The following NELFA variants were observed in gnomAD, a reference collection of about 807,000 sequenced individuals.
NELFA encodes the protein negative elongation factor A.
NELFA carries 35 observed loss-of-function variants against 51.8 expected under a neutral mutation model. The observed-to-expected ratio is 0.68, with a 90% CI of 0.52 to 0.90. The LOEUF is 0.90. NELFA is among the 40% of genes least tolerant of loss of function. NELFA has a pLI of 0.00. For synonymous variants in NELFA, 417 were observed against 338.4 expected (o/e 1.23, Z -2.55); for missense variants, 658 against 746.4 (o/e 0.88, Z 1.38).
chr4:1,983,516 G>T lies in NELFA; in HGVS notation c.1403-13C>A, dbSNP rs1402427171. ...TGGCACGGGTTCTCTGCAGAGAGCA[G>T]GAGCTGCTGGGTGGGTGTCTGGGGG... On this transcript the variant is annotated splice_polypyrimidine_tract_variant and intron_variant, in intron 10 of 10. Transcript: ENST00000382882. The T allele has an allele frequency of 6.2e-7, 1 of 1,613,340 alleles. No homozygotes were observed. The highest frequency in any genetic ancestry group is 8.5e-7 in the Non-Finnish European group (1 of 1,179,540).
rs1727948014 is a variant in NELFA, at chr4:1,983,226, G to A, written c.*93C>T. 2.2e-6 allele frequency: 3 copies of A among 1,358,210 alleles called. No homozygotes were observed. The highest frequency in any genetic ancestry group is 1.4e-5 in the South Asian group (1 of 69,816). 84.1% of individuals were successfully genotyped at this position (1,358,210 alleles called of 1,614,324 possible). The stretch of plus-strand genomic sequence containing the variant: ...CAGGGCGGCGGCCGGGGGACCTCGG[G>A]GGCCAGGTGTCCGCCATCCGGTTAC... On this transcript the variant is annotated 3_prime_UTR_variant, in exon 11 of 11. Transcript: ENST00000382882.
At chr4:1,997,340 A>G (rs906556260) in intron 1 of NELFA, among the ~76,000 whole-genome samples, 1 of 152,234 alleles carries the variant, frequency 6.6e-6, no homozygotes, top group Non-Finnish European at 1.5e-5. Flanking sequence ...CAACAAAGAC[A>G]GTCTGGGTAA....
At chr4:1,994,500 G>T (rs1359882684) in intron 1 of NELFA, among the ~76,000 whole-genome samples, 6 of 151,700 alleles carry the variant, frequency 4.0e-5, no homozygotes, top group Non-Finnish European at 7.4e-5. Context: ...GGGAGGCAGA[G>T]ATTCTGGTGA....
intron 1 of NELFA, chr4:1,992,349 G>C: frequency 3.5e-6 from 1 of 283,114 alleles, no homozygotes. Flanking sequence ...GCCTTGGGGA[G>C]GCCATGGGCG....
Position 1,994,594 on chromosome 4 carries a change from A to T in NELFA, c.211-2879T>A, listed in dbSNP as rs1171492397. On this transcript the variant is annotated intron_variant, in intron 1 of 10. Coordinates refer to ENST00000382882, the MANE Select transcript of NELFA (RefSeq NM_005663.5). Reference sequence around the variant, plus strand: ...AAAAAAGCCGGGCATGGTGGCTCACACCTGTAATCCTAGCATTTTGGGAGG... The same window carrying T: ...AAAAAAGCCGGGCATGGTGGCTCACTCCTGTAATCCTAGCATTTTGGGAGG... Among the ~76,000 whole-genome samples, 5 of 151,386 alleles carry T rather than the reference A, an allele frequency of 3.3e-5. No homozygotes were observed. The East Asian group carries it at 9.7e-4, about 29-fold the overall frequency.
Position 1,982,849 on chromosome 4 carries a change from AG to A in NELFA, c.*469del. The A allele has an allele frequency of 6.5e-6, 1 of 154,674 alleles. No individual in the cohort carries two copies. The highest frequency in any genetic ancestry group is 1.4e-5 in the Non-Finnish European group (1 of 69,478). The allele number at this position is 154,674 out of a possible 1,614,324, so 9.6% of individuals were successfully genotyped here. On this transcript the variant is annotated 3_prime_UTR_variant, in exon 11 of 11. Transcript: ENST00000382882. ...ACAAAACTCCCAGGCAGGCACAGGC[AG>A]GGGACAAGGCCCACCGTCTCCCACG...
chr4:1,988,399 C>A (rs891916674), intron 3 of NELFA, among the ~76,000 whole-genome samples: 2 of 152,246 alleles, frequency 1.3e-5, no homozygotes, highest in African/African-American at 4.8e-5. Context: ...AAGAAACAAA[C>A]GAAGAGATAT....
intron 1 of NELFA, among the ~76,000 whole-genome samples, chr4:1,996,891 C>T (rs545403455): frequency 6.6e-6 from 1 of 152,226 alleles, no homozygotes; most frequent in African/African-American, 2.4e-5. Flanking sequence ...AAGATTGCAC[C>T]ATTGCACTCC....
chr4:1,984,781 G>A (rs1728029331), intron 8 of NELFA, 27 bp downstream of exon 8: 34 of 1,523,436 alleles, frequency 2.2e-5, no homozygotes, highest in Non-Finnish European at 2.8e-5. Flanking sequence ...AGCTTGGCTG[G>A]TTCCAGGCTG....
chr4:1,983,982 C>T lies in NELFA; in HGVS notation c.1168G>A (p.Ala390Thr), dbSNP rs1727995986. The T allele has an allele frequency of 2.5e-6, 4 of 1,609,892 alleles. No individual in the cohort carries two copies. In the East Asian group the frequency reaches 6.7e-5, roughly 27 times the overall value. The change falls in exon 9 of 11, where the codon GCG (alanine) becomes ACG (threonine). Residue 390 changes from alanine to threonine, a missense_variant. By Grantham distance (58) the Ala-to-Thr change is moderately conservative. Coordinates refer to ENST00000382882, the MANE Select transcript of NELFA (RefSeq NM_005663.5). ...GLSPATPTPAAPTSPLTPTTP... is the reference protein window; with the variant it reads ...GLSPATPTPATPTSPLTPTTP... The stretch of plus-strand genomic sequence containing the variant: ...GTGGGTGTCAGAGGCGAGGTGGGCG[C>T]CGCAGGCGTGGGTGTGGCAGGGCTC...
chr4:1,998,517 A>G (rs1012805004), intron 1 of NELFA, among the ~76,000 whole-genome samples: 1 of 152,166 alleles, frequency 6.6e-6, no homozygotes, highest in African/African-American at 2.4e-5. Flanking sequence ...GCAAGTATTA[A>G]CAGCCGAATC....
Position 2,008,148 on chromosome 4 carries a change from C to T in NELFA, c.210+602G>A. 7.1e-6 allele frequency: 3 copies of T among 424,164 alleles called. 1 individual carries two copies. Among genetic ancestry groups the T allele is most frequent in the South Asian group, 4.9e-5 (3 of 60,962 alleles). 26.3% of individuals were successfully genotyped at this position (424,164 alleles called of 1,614,324 possible). On this transcript the variant is annotated intron_variant, in intron 1 of 10. Coordinates refer to ENST00000382882, the MANE Select transcript of NELFA (RefSeq NM_005663.5). The stretch of plus-strand genomic sequence containing the variant: ...GGGGGTTTCTCTCGGGATCCCCGCC[C>T]TCGCCCAGGTCACCAGGGCTGCGTC...
chr4:1,985,842 C>T lies in NELFA; in HGVS notation c.858G>A (p.Pro286=), dbSNP rs373789588. Residue 286 remains proline (P), a synonymous_variant, in exon 7 of 11, where the codon CCG becomes CCA. Coordinates refer to ENST00000382882, the MANE Select transcript of NELFA (RefSeq NM_005663.5). Reference sequence around the variant, plus strand: ...TCTCCACCACCGTTTCCTCCTTGGCCGGCTTCTCCACCACCTCCGCATCTG... The same window carrying T: ...TCTCCACCACCGTTTCCTCCTTGGCTGGCTTCTCCACCACCTCCGCATCTG... The part of the protein sequence containing the change: ...KTLDAEVVEK[P]AKEETVVENA... 105 of 1,613,078 alleles carry T rather than the reference C, an allele frequency of 6.5e-5. No homozygotes were observed. The highest frequency in any genetic ancestry group is 1.6e-4 in the Middle Eastern group (1 of 6,082).
At chr4:1,983,744 TCCTGCATCCC>T in intron 9 of NELFA, 49 bp from the exon 10 acceptor site, 1 of 1,606,722 alleles carries the variant, frequency 6.2e-7, no homozygotes, top group Non-Finnish European at 8.5e-7. Flanking sequence ...CAGGACCACC[TCCTGCATCCC>T]CCTGCAGGCA....
At chr4:2,003,037 G>C (rs776767498) in intron 1 of NELFA, among the ~76,000 whole-genome samples, 1 of 152,098 alleles carries the variant, frequency 6.6e-6, no homozygotes. Context: ...ATATTTGTAA[G>C]AGAAAAACAA....
Position 1,983,284 on chromosome 4 carries a change from C to T in NELFA, c.*35G>A, listed in dbSNP as rs1727950665. ...TGGCAAAGCCATCGTCCCGTGGACCCCCACAAGTGACGGCCAGCTGTGAGG... is the reference window on the plus strand; with the variant it reads ...TGGCAAAGCCATCGTCCCGTGGACCTCCACAAGTGACGGCCAGCTGTGAGG... On this transcript the variant is annotated 3_prime_UTR_variant, in exon 11 of 11. Coordinates refer to ENST00000382882, the MANE Select transcript of NELFA (RefSeq NM_005663.5). 2.5e-6 allele frequency: 4 copies of T among 1,592,858 alleles called. No individual in the cohort carries two copies. The highest frequency in any genetic ancestry group is 3.4e-6 in the Non-Finnish European group (4 of 1,165,320).
At chr4:1,986,845 G>A (rs1728119166) in intron 4 of NELFA, among the ~76,000 whole-genome samples, 1 of 152,180 alleles carries the variant, frequency 6.6e-6, no homozygotes, top group Non-Finnish European at 1.5e-5. Context: ...CCTCCAAGGC[G>A]TGCGTGGCTC....
At chr4:1,986,983 G>A (rs1728123886) in intron 4 of NELFA, among the ~76,000 whole-genome samples, 1 of 152,138 alleles carries the variant, frequency 6.6e-6, no homozygotes, top group Non-Finnish European at 1.5e-5. Flanking sequence ...CTGGCCCTGG[G>A]ATGCCTGGTG....
Position 1,988,132 on chromosome 4 carries a change from T to G in NELFA, c.545-125A>C, listed in dbSNP as rs918322678. On this transcript the variant is annotated intron_variant, in intron 3 of 10. Coordinates refer to ENST00000382882, the MANE Select transcript of NELFA (RefSeq NM_005663.5). ...CCGTGAACGCTGCATTCTCTCTAAA[T>G]GAGCAGCTGTTCCGAGCCGGGCCTG... is the stretch of plus-strand genomic sequence containing the variant. 4 of 763,256 alleles carry G rather than the reference T, an allele frequency of 5.2e-6. No homozygotes were observed. In the African/African-American group the frequency reaches 7.0e-5, roughly 13 times the overall value. 47.3% of individuals were successfully genotyped at this position (763,256 alleles called of 1,614,324 possible).
Sources: gnomAD v4.1 joint callset for allele counts (sites outside exome capture counted in the v4.1 genomes callset) on GRCh38, gnomAD v4.1.1 for gene constraint, MANE v1.5 for transcripts, NCBI Gene and HGNC (gene_info 2026-07-23, HGNC 2026-07-21) for gene names.